ZBTB5: variants seen among roughly 807,000 people sequenced by gnomAD.
The protein encoded by ZBTB5 is zinc finger and BTB domain-containing protein 5.
A neutral mutation model predicts 37.9 loss-of-function variants in ZBTB5; 15 were observed. That is an observed-to-expected ratio of 0.40 (90% CI 0.26 to 0.61). The LOEUF (loss-of-function observed/expected upper bound fraction) is 0.61, where lower values mean the gene tolerates loss of function less well. ZBTB5 is among the 20% of genes least tolerant of loss of function. ZBTB5 has a pLI of 0.47. For missense variants in ZBTB5, 708 were observed against 856.8 expected (o/e 0.83, Z 2.17); for synonymous variants, 315 against 312.4 (o/e 1.01, Z -0.09).
In ZBTB5 at chr9:37,440,227, TA is replaced by T. The variant is rs537266234; in HGVS notation, c.*290del. 16 of 365,054 alleles carry T rather than the reference TA, an allele frequency of 4.4e-5. No homozygotes were observed. In the South Asian group the frequency reaches 6.8e-4, roughly 16 times the overall value. The allele number at this position is 365,054 out of a possible 1,614,324, so 22.6% of individuals were successfully genotyped here. On this transcript the variant is annotated 3_prime_UTR_variant, in exon 2 of 2. Transcript: ENST00000307750. ...AAAATTTTTTTTGCACTTCAATTTT[TA>T]AATTTTTAAATGTGCCACTTTTAAT...
chr9:37,455,692 C>T (rs972430062), intron 1 of ZBTB5, among the ~76,000 whole-genome samples: 9 of 152,212 alleles, frequency 5.9e-5, no homozygotes, highest in East Asian at 1.9e-4. Context: ...CATTGTCACA[C>T]GTCCTGCGAG....
intron 1 of ZBTB5, among the ~76,000 whole-genome samples, chr9:37,444,860 G>A (rs748567855): frequency 9.9e-4 from 151 of 152,286 alleles, no homozygotes; most frequent in Admixed American, 2.0e-3. Flanking sequence ...GAATCCCAAG[G>A]ATGATGATGA....
chr9:37,461,028 G>C (rs1447846650), intron 1 of ZBTB5, among the ~76,000 whole-genome samples: 1 of 152,160 alleles, frequency 6.6e-6, no homozygotes, highest in African/African-American at 2.4e-5. Context: ...TACTTTCAAA[G>C]CAGTATATGC....
chr9:37,441,196 A>C lies in ZBTB5; in HGVS notation c.1356T>G (p.Ala452=). ...CAGAGGAGGGCCCACCTGCAGGCCC[A>C]GCCTCTGGACTCAACAAATAGGGGG... ...SEAPYLLSPE[A]GPAGGPSSAP... Residue 452 remains alanine (A), a synonymous_variant, in exon 2 of 2, where the codon GCT becomes GCG. Coordinates refer to ENST00000307750, the MANE Select transcript of ZBTB5 (RefSeq NM_014872.3). The C allele has an allele frequency of 1.2e-6, 2 of 1,614,142 alleles. No individual in the cohort carries two copies. Among genetic ancestry groups the C allele is most frequent in the Non-Finnish European group, 1.7e-6 (2 of 1,180,002 alleles).
chr9:37,441,077 T>C lies in ZBTB5; in HGVS notation c.1475A>G (p.Gln492Arg). 6.2e-7 allele frequency: 1 copy of C among 1,614,124 alleles called. No homozygotes were observed. Among genetic ancestry groups the C allele is most frequent in the South Asian group, 1.1e-5 (1 of 91,082 alleles). The change falls in exon 2 of 2, where the codon CAG (glutamine) becomes CGG (arginine). Residue 492 changes from glutamine to arginine, a missense_variant. This residue lies in a region of ZBTB5 where 639 missense variants were observed against 690.5 expected (regional missense o/e 0.93). Transcript: ENST00000307750. ...TTCTCCTCCTTGGTAGCCTGAAGTC[T>C]GCACACACGGCAGGCCCATCACCTC... ...MQEVMGLPCV[Q>R]TSGYQGGEQF...
chr9:37,441,607 A>G lies in ZBTB5; in HGVS notation c.945T>C (p.Pro315=), dbSNP rs748383678. ...GCTCCTTCTCACCAAGGCCAACCTCAGGGTTTTCACACTGAAAACTACTTT... is the reference window on the plus strand; with the variant it reads ...GCTCCTTCTCACCAAGGCCAACCTCGGGGTTTTCACACTGAAAACTACTTT... ...PEKSSFQCEN[P]EVGLGEKEHM... Residue 315 remains proline, a synonymous_variant, in exon 2 of 2, where the codon CCT becomes CCC. Transcript: ENST00000307750. The G allele has an allele frequency of 1.9e-6, 3 of 1,613,252 alleles. No individual in the cohort carries two copies. The highest frequency in any genetic ancestry group is 2.2e-5 in the South Asian group (2 of 91,048).
Position 37,440,303 on chromosome 9 carries a change from C to G in ZBTB5, c.*215G>C. 1.8e-6 allele frequency: 1 copy of G among 547,490 alleles called. No individual in the cohort carries two copies. Among genetic ancestry groups the G allele is most frequent in the Non-Finnish European group, 3.2e-6 (1 of 311,082 alleles). 33.9% of individuals were successfully genotyped at this position (547,490 alleles called of 1,614,324 possible). On this transcript the variant is annotated 3_prime_UTR_variant, in exon 2 of 2. Transcript: ENST00000307750. ...TGCATTACTCAACCCCAAGGAAGCA[C>G]CTGGTTTCAGGGATTGCATCCCTTT...
rs749633084 is a variant in ZBTB5 at position 37,440,323 on chromosome 9, C to T, written c.*195G>A. 8.7e-6 allele frequency: 5 copies of T among 574,942 alleles called. No homozygotes were observed. Among genetic ancestry groups the T allele is most frequent in the Non-Finnish European group, 1.5e-5 (5 of 328,118 alleles). The allele number at this position is 574,942 out of a possible 1,614,324, so 35.6% of individuals were successfully genotyped here. The stretch of plus-strand genomic sequence containing the variant: ...AAGCACCTGGTTTCAGGGATTGCAT[C>T]CCTTTCCCAAGACGTGCACTTCACT... On this transcript the variant is annotated 3_prime_UTR_variant, in exon 2 of 2. Coordinates refer to ENST00000307750, the MANE Select transcript of ZBTB5 (RefSeq NM_014872.3).
At chr9:37,459,994 G>A in intron 1 of ZBTB5, among the ~76,000 whole-genome samples, 1 of 144,568 alleles carries the variant, frequency 6.9e-6, no homozygotes, top group East Asian at 2.1e-4. Flanking sequence ...ACAGGCGTGA[G>A]CCACTGCGCC....
chr9:37,443,405 G>C (rs1823921166), intron 1 of ZBTB5, among the ~76,000 whole-genome samples: 1 of 151,856 alleles, frequency 6.6e-6, no homozygotes, highest in Non-Finnish European at 1.5e-5. Flanking sequence ...AAGAGAATGA[G>C]AAGGCCTTCA....
At position 37,441,849 on chromosome 9, in the gene ZBTB5, G is replaced by A; in HGVS notation, c.703C>T (p.Pro235Ser). ...TTATCCACAATTTTCAGAGAATCTGGTGAAAAGAACTCCTCCCGAGAATGA... is the reference window on the plus strand; with the variant it reads ...TTATCCACAATTTTCAGAGAATCTGATGAAAAGAACTCCTCCCGAGAATGA... ...GVHSREEFFS[P>S]DSLKIVDNPK... The change falls in exon 2 of 2, where the codon CCA becomes TCA. Residue 235 changes from proline (P) to serine (S), a missense_variant. This residue lies in a region of ZBTB5 where 639 missense variants were observed against 690.5 expected (regional missense o/e 0.93). Coordinates refer to ENST00000307750, the MANE Select transcript of ZBTB5 (RefSeq NM_014872.3). The A allele has an allele frequency of 6.2e-7, 1 of 1,614,114 alleles. No homozygotes were observed. Among genetic ancestry groups the A allele is most frequent in the East Asian group, 2.2e-5 (1 of 44,864 alleles).
chr9:37,443,877 G>A (rs953596578), intron 1 of ZBTB5, among the ~76,000 whole-genome samples: 4 of 151,910 alleles, frequency 2.6e-5, no homozygotes, highest in African/African-American at 9.7e-5. Context: ...AGTGAGCAGA[G>A]ATCGCACTGC....
rs903419063 is a variant in ZBTB5, at chr9:37,438,414, C to T, written c.*2104G>A. 1.3e-5 allele frequency: 2 copies of T among 152,712 alleles called. No individual in the cohort carries two copies. Among genetic ancestry groups the T allele is most frequent in the Admixed American group, 1.3e-4 (2 of 15,310 alleles). The allele number at this position is 152,712 out of a possible 1,614,324, so 9.5% of individuals were successfully genotyped here. A position where few individuals can be genotyped will look rare whatever the true frequency, so the allele number is the denominator to read the frequency against. The stretch of plus-strand genomic sequence containing the variant: ...AGGACACTGGCCCACAAGCTTGCTT[C>T]TCACACGTAGAAACTGACAGACTAA... On this transcript the variant is annotated 3_prime_UTR_variant, in exon 2 of 2. Transcript: ENST00000307750.
At chr9:37,446,038 C>T (rs1823971975) in intron 1 of ZBTB5, among the ~76,000 whole-genome samples, 1 of 152,140 alleles carries the variant, frequency 6.6e-6, no homozygotes, top group South Asian at 2.1e-4. Flanking sequence ...GCCCAGGGGG[C>T]AGAGGTTATA....
Position 37,441,032 on chromosome 9 carries a change from G to C in ZBTB5, c.1520C>G (p.Ser507Cys). Residue 507 changes from serine (S) to cysteine (C), a missense_variant, in exon 2 of 2, where the codon TCC becomes TGC. Physicochemically the swap from Ser to Cys is moderately radical, Grantham distance 112 (BLOSUM62 -1). This residue lies in a region of ZBTB5 where 639 missense variants were observed against 690.5 expected (regional missense o/e 0.93). Transcript: ENST00000307750. ...QGGEQFGMDF[S>C]RSGLGLHSSF... Reference sequence around the variant, plus strand: ...GGAGTGGAGGCCCAAACCAGACCTGGAAAAGTCCATCCCAAACTGTTCTCC... The same window carrying C: ...GGAGTGGAGGCCCAAACCAGACCTGCAAAAGTCCATCCCAAACTGTTCTCC... 6.2e-7 allele frequency: 1 copy of C among 1,614,164 alleles called. No homozygotes were observed. Among genetic ancestry groups the C allele is most frequent in the Non-Finnish European group, 8.5e-7 (1 of 1,180,034 alleles).
At chr9:37,457,126 A>C (rs1824203804) in intron 1 of ZBTB5, among the ~76,000 whole-genome samples, 1 of 152,250 alleles carries the variant, frequency 6.6e-6, no homozygotes, top group South Asian at 2.1e-4. Context: ...AAGGGGGAAA[A>C]GAGGCCCAGC....
In ZBTB5 at chr9:37,439,070, GA is replaced by G. The variant is rs1281622370; in HGVS notation, c.*1447del. 2 of 152,202 alleles carry G rather than the reference GA, an allele frequency of 1.3e-5. No individual in the cohort carries two copies. Among genetic ancestry groups the G allele is most frequent in the Non-Finnish European group, 2.9e-5 (2 of 68,030 alleles). 9.4% of individuals were successfully genotyped at this position (152,202 alleles called of 1,614,324 possible). Reference sequence around the variant, plus strand: ...ATGAATGATGGTTTGGTATGTCTAAGAAAGCTATATAAAACATAAAATGAAC... The same window carrying G: ...ATGAATGATGGTTTGGTATGTCTAAGAAGCTATATAAAACATAAAATGAAC... On this transcript the variant is annotated 3_prime_UTR_variant, in exon 2 of 2. Coordinates refer to ENST00000307750, the MANE Select transcript of ZBTB5 (RefSeq NM_014872.3).
At chr9:37,464,423 C>T (rs960863879) in intron 1 of ZBTB5, among the ~76,000 whole-genome samples, 3 of 152,160 alleles carry the variant, frequency 2.0e-5, no homozygotes, top group African/African-American at 7.2e-5. Context: ...TAAAATTTTT[C>T]CTCCAAATTA....
At position 37,440,376 on chromosome 9, in the gene ZBTB5, TGTTA is replaced by T. The variant is rs1477923043; in HGVS notation, c.*138_*141del. 6 of 661,018 alleles carry T rather than the reference TGTTA, an allele frequency of 9.1e-6. No homozygotes were observed. The highest frequency in any genetic ancestry group is 5.1e-6 in the Non-Finnish European group (2 of 391,530). The allele number at this position is 661,018 out of a possible 1,614,324, so 40.9% of individuals were successfully genotyped here. ...GAAATGCAGCAGCACAAATACTACA[TGTTA>T]GTTCTCCGGTTATTAGTTGCTAAAC... On this transcript the variant is annotated 3_prime_UTR_variant, in exon 2 of 2. Coordinates refer to ENST00000307750, the MANE Select transcript of ZBTB5 (RefSeq NM_014872.3).
Sources: gnomAD v4.1 joint callset for allele counts (sites outside exome capture counted in the v4.1 genomes callset) on GRCh38, gnomAD v4.1.1 for gene constraint, gnomAD v4.1.1 regional missense constraint, MANE v1.5 for transcripts, NCBI Gene and HGNC (gene_info 2026-07-23, HGNC 2026-07-21) for gene names.